SLCO6A1: variants seen among roughly 807,000 people sequenced by gnomAD.
SLCO6A1 encodes cancer/testis antigen 48.
A neutral mutation model predicts 72.7 loss-of-function variants in SLCO6A1; 65 were observed. That is an observed-to-expected ratio of 0.89 (90% confidence interval 0.73 to 1.10). The LOEUF is 1.10. SLCO6A1 is among the 50% of genes least tolerant of loss of function. The pLI, the probability that SLCO6A1 is intolerant of heterozygous loss-of-function variation, is 0.00. For synonymous variants in SLCO6A1, 314 were observed against 298.2 expected (o/e 1.05, Z -0.55); for missense variants, 874 against 872.6 (o/e 1.00, Z -0.02).
chr5:102,397,876 T>A (rs914684236), intron 10 of SLCO6A1, among the ~76,000 whole-genome samples: 10 of 152,202 alleles, frequency 6.6e-5, no homozygotes, highest in Admixed American at 1.3e-4. Flanking sequence ...TGTGTGTCTG[T>A]GTGTGTGTTT....
chr5:102,378,790 GT>G (rs200686639), intron 12 of SLCO6A1, among the ~76,000 whole-genome samples: 2 of 151,424 alleles, frequency 1.3e-5, no homozygotes, highest in Admixed American at 6.6e-5. Context: ...TTTGTTTGTG[GT>G]TTTTTTTGAG....
chr5:102,396,257 T>C lies in SLCO6A1; in HGVS notation c.1814+3298A>G, dbSNP rs569829110. On this transcript the variant is annotated intron_variant, in intron 10 of 13. Coordinates refer to ENST00000506729, the MANE Select transcript of SLCO6A1 (RefSeq NM_173488.5). ...AGGGATCCAGTTTCAGCTTTCTACA[T>C]ATGGCTAGCCAGTTTTCCCAGCACC... Among the ~76,000 whole-genome samples, 89 of 152,230 alleles carry C rather than the reference T, an allele frequency of 5.8e-4. 2 individuals carry two copies. The highest frequency in any genetic ancestry group is 1.1e-3 in the Non-Finnish European group (72 of 67,988).
At chr5:102,468,821 T>C (rs183767335) in intron 4 of SLCO6A1, among the ~76,000 whole-genome samples, 77 of 152,282 alleles carry the variant, frequency 5.1e-4, no homozygotes, top group African/African-American at 1.8e-3. Flanking sequence ...TAATCCATCT[T>C]GAGTTAATTT....
Position 102,413,100 on chromosome 5 carries a change from AT to A in SLCO6A1, c.1515del (p.Lys505AsnfsTer50), listed in dbSNP as rs1295323651. On this transcript the variant is annotated frameshift_variant, in exon 9 of 14. Transcript: ENST00000506729. LOFTEE classifies it high-confidence loss of function. ...GAATAAATTGAAGATGAGCATCTACATTTTTCATTGCAAGGAGCCGTGAGGT... is the reference window on the plus strand; with the variant it reads ...GAATAAATTGAAGATGAGCATCTACATTTTCATTGCAAGGAGCCGTGAGGT... ...LGNLTAPCNE[K>X]CRCSSSIYSS... 27 of 1,568,922 alleles carry A rather than the reference AT, an allele frequency of 1.7e-5. No homozygotes were observed. The highest frequency in any genetic ancestry group is 2.1e-5 in the Non-Finnish European group (25 of 1,164,542).
At chr5:102,408,453 C>T (rs1747792722) in intron 9 of SLCO6A1, among the ~76,000 whole-genome samples, 1 of 152,098 alleles carries the variant, frequency 6.6e-6, no homozygotes, top group African/African-American at 2.4e-5. Flanking sequence ...ACTGAAGATA[C>T]TCTGTGAAAC....
At chr5:102,436,063 C>T (rs181644759) in intron 7 of SLCO6A1, among the ~76,000 whole-genome samples, 3 of 152,264 alleles carry the variant, frequency 2.0e-5, no homozygotes, top group African/African-American at 7.2e-5. Context: ...TTTTCTATCC[C>T]ATTGGCACCC....
chr5:102,424,044 A>T (rs963210420), intron 7 of SLCO6A1, among the ~76,000 whole-genome samples: 2 of 152,214 alleles, frequency 1.3e-5, no homozygotes, highest in African/African-American at 2.4e-5. Flanking sequence ...AATAAAATTA[A>T]GGCAGAAATA....
chr5:102,447,656 T>C (rs539352793), intron 6 of SLCO6A1, among the ~76,000 whole-genome samples: 8 of 152,350 alleles, frequency 5.3e-5, no homozygotes, highest in African/African-American at 1.9e-4. Flanking sequence ...CTAGTTTGCG[T>C]GCATAGTGGT....
intron 4 of SLCO6A1, among the ~76,000 whole-genome samples, chr5:102,470,776 G>A (rs753113172): frequency 6.6e-6 from 1 of 151,952 alleles, no homozygotes; most frequent in South Asian, 2.1e-4. Flanking sequence ...CTTCAGGCTG[G>A]TACTGGGGAG....
Position 102,480,220 on chromosome 5 carries a change from T to C in SLCO6A1, c.573A>G (p.Pro191=). ...IGLGSLLCAF[P]SINEENKQSK... ...TTTGTTTATTTTCTTCATTAATGGA[T>C]GGAAAAGCACATAAAAGTGATCCAA... The change falls in exon 2 of 14, where the codon CCA becomes CCG. Residue 191 remains proline (P), a synonymous_variant. Coordinates refer to ENST00000506729, the MANE Select transcript of SLCO6A1 (RefSeq NM_173488.5). 1 of 1,611,870 alleles carries C rather than the reference T, an allele frequency of 6.2e-7. No homozygotes were observed. The highest frequency in any genetic ancestry group is 8.5e-7 in the Non-Finnish European group (1 of 1,178,954).
At chr5:102,382,077 A>C (rs1295008859) in intron 12 of SLCO6A1, among the ~76,000 whole-genome samples, 4 of 151,508 alleles carry the variant, frequency 2.6e-5, no homozygotes, top group Non-Finnish European at 5.9e-5. Context: ...TTGTTTGTTT[A>C]ATGTAATCCT....
intron 8 of SLCO6A1, among the ~76,000 whole-genome samples, chr5:102,415,196 T>C (rs1200494249): frequency 6.6e-6 from 1 of 152,124 alleles, no homozygotes; most frequent in Non-Finnish European, 1.5e-5. Flanking sequence ...TTTTATAGAA[T>C]TTTTTAAATC....
chr5:102,491,047 C>T (rs1197661489), intron 1 of SLCO6A1, among the ~76,000 whole-genome samples: 1 of 152,138 alleles, frequency 6.6e-6, no homozygotes, highest in Non-Finnish European at 1.5e-5. Flanking sequence ...GGTGCGTTTA[C>T]AATCCCTGAG....
At chr5:102,475,822 C>A in intron 3 of SLCO6A1, 29 bp from the exon 4 acceptor site, 1 of 1,478,112 alleles carries the variant, frequency 6.8e-7, no homozygotes, top group Admixed American at 2.0e-5. Flanking sequence ...AACTGAACAT[C>A]AAACAATTTC....
chr5:102,426,328 G>C (rs1252720422), intron 7 of SLCO6A1, among the ~76,000 whole-genome samples: 8 of 151,960 alleles, frequency 5.3e-5, no homozygotes. Flanking sequence ...CAGAGTGAAT[G>C]GGCAACCTAC....
At chr5:102,453,484 C>A (rs1187664493) in intron 6 of SLCO6A1, among the ~76,000 whole-genome samples, 1 of 152,118 alleles carries the variant, frequency 6.6e-6, no homozygotes, top group Non-Finnish European at 1.5e-5. Flanking sequence ...CTGACTTTTT[C>A]TTTATATGGG....
At position 102,427,800 on chromosome 5, in the gene SLCO6A1, G is replaced by A. The variant is rs114404770; in HGVS notation, c.1277-7779C>T. The stretch of plus-strand genomic sequence containing the variant: ...AGATGTTTATAAAAGGGGAAACTGG[G>A]TGTACAGTATGTGGAAACCCCCTCT... On this transcript the variant is annotated intron_variant, in intron 7 of 13. Transcript: ENST00000506729. 7.4e-3 allele frequency among the ~76,000 whole-genome samples: 1,102 copies of A among 148,700 alleles called. 11 individuals carry two copies. The highest frequency in any genetic ancestry group is 0.014 in the Non-Finnish European group (917 of 67,276).
Position 102,388,546 on chromosome 5 carries a change from T to C in SLCO6A1, c.2017+142A>G, listed in dbSNP as rs1250994943. The C allele has an allele frequency of 1.8e-5, 10 of 553,550 alleles. No individual in the cohort carries two copies. In the East Asian group the frequency reaches 3.5e-4, roughly 19 times the overall value. 34.3% of individuals were successfully genotyped at this position (553,550 alleles called of 1,614,324 possible). On this transcript the variant is annotated intron_variant, in intron 12 of 13. Transcript: ENST00000506729. ...ATTTTACTTATAGAGATGTGGTCTC[T>C]ATTTTGCAGGTTAAGCCTCCTTTAC... is the stretch of plus-strand genomic sequence containing the variant.
At chr5:102,491,719 G>T (rs999964771) in intron 1 of SLCO6A1, among the ~76,000 whole-genome samples, 1 of 152,202 alleles carries the variant, frequency 6.6e-6, no homozygotes, top group Non-Finnish European at 1.5e-5. Context: ...GTTCCCGCCC[G>T]TGCCTCTCCC....
Sources: gnomAD v4.1 joint callset for allele counts (sites outside exome capture counted in the v4.1 genomes callset) on GRCh38, gnomAD v4.1.1 for gene constraint, MANE v1.5 for transcripts, NCBI Gene and HGNC (gene_info 2026-07-23, HGNC 2026-07-21) for gene names.